LARGE1: variants seen among roughly 807,000 people sequenced by gnomAD.
The protein encoded by LARGE1 is LARGE xylosyl- and glucuronyltransferase 1.
A neutral mutation model predicts 87.6 loss-of-function variants in LARGE1; 43 were observed. The observed-to-expected ratio is 0.49, with a 90% CI of 0.38 to 0.63. LARGE1 has a LOEUF of 0.63. Ranked by LOEUF, LARGE1 falls within the 30% of genes least tolerant of loss-of-function variation. LARGE1 has a pLI of 0.00. For synonymous variants in LARGE1, 434 were observed against 394.6 expected (o/e 1.10, Z -1.18); for missense variants, 802 against 1,000.2 (o/e 0.80, Z 2.67).
intron 1 of LARGE1, chr22:33,889,072 T>C (rs1176018913): frequency 6.6e-6 from 1 of 152,184 alleles, no homozygotes; most frequent in Non-Finnish European, 1.5e-5. Context: ...AGAAAGCATA[T>C]ACTGTAATCT....
At position 33,479,313 on chromosome 22, in the gene LARGE1, T is replaced by C. The variant is rs190479296; in HGVS notation, c.788-47048A>G. Among the ~76,000 whole-genome samples the C allele has an allele frequency of 3.1e-3, 477 of 152,288 alleles. 3 individuals are homozygous for C. Among genetic ancestry groups the C allele is most frequent in the South Asian group, 0.021 (99 of 4,826 alleles). On this transcript the variant is annotated intron_variant, in intron 6 of 14. Coordinates refer to ENST00000397394, the MANE Select transcript of LARGE1 (RefSeq NM_133642.5). The stretch of plus-strand genomic sequence containing the variant: ...GTATCCTCCAACACCTAGCACAGCA[T>C]CTGGCACCTGATGAGCATTCAGCAA...
chr22:33,512,284 T>C (rs1213300588), intron 6 of LARGE1, among the ~76,000 whole-genome samples: 1 of 151,896 alleles, frequency 6.6e-6, no homozygotes, highest in Non-Finnish European at 1.5e-5. Flanking sequence ...AGTCTTTAAT[T>C]AAATCTTCAA....
chr22:33,093,580 A>C, the LARGE1 span, among the ~76,000 whole-genome samples: 4 of 152,276 alleles, frequency 2.6e-5, no homozygotes, highest in Admixed American at 2.6e-4. Flanking sequence ...AGATGGAGAC[A>C]ATATCTTGTA....
chr22:33,663,145 G>T (rs1272439932), intron 2 of LARGE1, among the ~76,000 whole-genome samples: 1 of 152,126 alleles, frequency 6.6e-6, no homozygotes, highest in Non-Finnish European at 1.5e-5. Context: ...TATCGAAACC[G>T]ATCAGGGAGA....
chr22:33,334,792 G>A (rs181894185), intron 10 of LARGE1, among the ~76,000 whole-genome samples: 15 of 152,332 alleles, frequency 9.8e-5, no homozygotes, highest in Middle Eastern at 3.4e-3. Flanking sequence ...TAAGCTTCAG[G>A]CCACTTACAT....
intron 11 of LARGE1, among the ~76,000 whole-genome samples, chr22:33,168,271 G>A (rs1922380162): frequency 6.6e-6 from 1 of 152,190 alleles, no homozygotes; most frequent in African/African-American, 2.4e-5. Context: ...GCGTGGATAG[G>A]ATTATAGACT....
At chr22:33,712,637 A>T (rs959333714) in intron 2 of LARGE1, among the ~76,000 whole-genome samples, 4 of 134,636 alleles carry the variant, frequency 3.0e-5, no homozygotes, top group African/African-American at 1.1e-4. Context: ...TGAGGGGTAC[A>T]GTGTGTGTGT....
chr22:33,606,941 A>T lies in LARGE1; in HGVS notation c.492-2383T>A, dbSNP rs561290966. Among the ~76,000 whole-genome samples the T allele has an allele frequency of 7.2e-5, 11 of 152,220 alleles. No homozygotes were observed. In the South Asian group the frequency reaches 1.7e-3, roughly 23 times the overall value. Reference sequence around the variant, plus strand: ...CGTACCGGCCTACTCATCCTTATGTAGTGGTTGCCTGTCTACTTGTCTACA... The same window carrying T: ...CGTACCGGCCTACTCATCCTTATGTTGTGGTTGCCTGTCTACTTGTCTACA... On this transcript the variant is annotated intron_variant, in intron 4 of 14. Coordinates refer to ENST00000397394, the MANE Select transcript of LARGE1 (RefSeq NM_133642.5).
rs985818946 is a variant in LARGE1 at position 33,178,222 on chromosome 22, T to A, written c.1731-11390A>T. On this transcript the variant is annotated intron_variant, in intron 11 of 11. Coordinates refer to the LARGE1 transcript ENST00000608642. The stretch of plus-strand genomic sequence containing the variant: ...TGAGTTTCCAAAAGATATTGAGCAG[T>A]GTCCATACACACAAAAGTTTTCCTT... 2.0e-5 allele frequency among the ~76,000 whole-genome samples: 3 copies of A among 152,200 alleles called. No homozygotes were observed. The South Asian group carries it at 6.2e-4, about 32-fold the overall frequency.
At chr22:33,096,690 G>A in the LARGE1 span, among the ~76,000 whole-genome samples, 2 of 150,750 alleles carry the variant, frequency 1.3e-5, no homozygotes, top group East Asian at 2.0e-4. Context: ...TCCGCCTCCC[G>A]AGCAGGTGGG....
chr22:33,102,054 C>T, the LARGE1 span, among the ~76,000 whole-genome samples: 18 of 152,236 alleles, frequency 1.2e-4, no homozygotes, highest in Middle Eastern at 3.4e-3. Context: ...CCCATTCATA[C>T]GGTAGCCAAG....
At chr22:33,120,399 TTTCTTTCTTTCC>T in the LARGE1 span, among the ~76,000 whole-genome samples, 18 of 98,160 alleles carry the variant, frequency 1.8e-4, no homozygotes, top group South Asian at 5.7e-4. Context: ...TCTTTCTTTC[TTTCTTTCTTTCC>T]TTCTTTCTTT....
At chr22:33,513,238 C>T (rs1359197566) in intron 6 of LARGE1, among the ~76,000 whole-genome samples, 1 of 152,118 alleles carries the variant, frequency 6.6e-6, no homozygotes, top group African/African-American at 2.4e-5. Context: ...ACAATGCAGC[C>T]AGTTAGTAAG....
intron 7 of LARGE1, among the ~76,000 whole-genome samples, chr22:33,398,411 C>A (rs1217685369): frequency 6.6e-6 from 1 of 152,104 alleles, no homozygotes; most frequent in East Asian, 1.9e-4. Flanking sequence ...TTTCTGACTC[C>A]TCCAACTCTC....
intron 6 of LARGE1, among the ~76,000 whole-genome samples, chr22:33,482,915 G>A (rs1168371859): frequency 6.6e-6 from 1 of 152,124 alleles, no homozygotes; most frequent in Non-Finnish European, 1.5e-5. Context: ...GAAGGTGGGG[G>A]TACAAATGGC....
chr22:33,419,159 G>T (rs1022238625), intron 7 of LARGE1, among the ~76,000 whole-genome samples: 2 of 152,040 alleles, frequency 1.3e-5, no homozygotes, highest in African/African-American at 4.8e-5. Flanking sequence ...AAGTCCAGTT[G>T]CAAGCACAGG....
chr22:33,241,666 G>T (rs1926530013), intron 11 of LARGE1, among the ~76,000 whole-genome samples: 1 of 151,804 alleles, frequency 6.6e-6, no homozygotes, highest in South Asian at 2.1e-4. Context: ...ATGTGTGTGT[G>T]TATGTATATA....
At chr22:33,832,150 T>A (rs1056161884) in intron 1 of LARGE1, among the ~76,000 whole-genome samples, 4 of 152,182 alleles carry the variant, frequency 2.6e-5, no homozygotes, top group Non-Finnish European at 5.9e-5. Context: ...TGGAGTACCT[T>A]CAGCATGAGT....
intron 11 of LARGE1, among the ~76,000 whole-genome samples, chr22:33,305,330 G>A (rs1436311239): frequency 4.0e-5 from 6 of 149,422 alleles, no homozygotes; most frequent in Non-Finnish European, 8.8e-5. Flanking sequence ...CCAGGGAGAG[G>A]GGGAAAAATA....
Sources: allele counts gnomAD v4.1 joint callset (sites outside exome capture counted in the v4.1 genomes callset), GRCh38; gene constraint gnomAD v4.1.1; transcripts MANE v1.5; gene names NCBI Gene and HGNC (gene_info 2026-07-23, HGNC 2026-07-21).